The following MSR1 variants were observed in gnomAD, a reference collection of about 807,000 sequenced individuals.
The protein encoded by MSR1 is macrophage scavenger receptor 1.
A neutral mutation model predicts 47.2 loss-of-function variants in MSR1; 53 were observed. The observed-to-expected ratio is 1.12, with a 90% CI of 0.90 to 1.41. The LOEUF (loss-of-function observed/expected upper bound fraction) is 1.41, where lower values mean the gene tolerates loss of function less well. Ranked by LOEUF, MSR1 falls within the 40% of genes most tolerant of loss-of-function variation. The probability of loss-of-function intolerance (pLI) is 0.00; values close to 1 mark genes in which losing one functional copy is unlikely to be tolerated. For missense variants in MSR1, 786 were observed against 546.9 expected (o/e 1.44, Z -4.36); for synonymous variants, 239 against 185.6 (o/e 1.29, Z -2.34).
At chr8:16,173,457 A>T (rs1801547330) in intron 3 of MSR1, among the ~76,000 whole-genome samples, 1 of 152,248 alleles carries the variant, frequency 6.6e-6, no homozygotes, top group Non-Finnish European at 1.5e-5. Context: ...GCATAGACAT[A>T]AACAAACATA....
chr8:16,167,617 A>T (rs1801351735), intron 4 of MSR1, among the ~76,000 whole-genome samples: 1 of 152,126 alleles, frequency 6.6e-6, no homozygotes, highest in Middle Eastern at 3.2e-3. Context: ...TGCCAGAATC[A>T]AATGTATCCT....
chr8:16,156,505 C>T (rs556317846), intron 5 of MSR1, among the ~76,000 whole-genome samples: 1 of 151,974 alleles, frequency 6.6e-6, no homozygotes, highest in East Asian at 1.9e-4. Context: ...CCCAAGATAT[C>T]ATTATTACTC....
intron 2 of MSR1, among the ~76,000 whole-genome samples, chr8:16,176,665 T>C (rs1801657865): frequency 6.6e-6 from 1 of 152,208 alleles, no homozygotes; most frequent in Non-Finnish European, 1.5e-5. Context: ...ATCTCTAATT[T>C]ATCATCACAA....
intron 3 of MSR1, 113 bp from the exon 4 acceptor site, chr8:16,168,983 TGAATGCTAGGCTAAATC>T (rs1240882022): frequency 2.0e-5 from 22 of 1,083,154 alleles, no homozygotes; most frequent in African/African-American, 3.1e-5. Context: ...TCCAACATTT[TGAATGCTAGGCTAAATC>T]GAGTATTTTT....
chr8:16,143,717 C>A, intron 7 of MSR1, 106 bp from the exon 8 acceptor site: 3 of 780,960 alleles, frequency 3.8e-6, no homozygotes, highest in Non-Finnish European at 6.5e-6. Flanking sequence ...ATAGAATGGA[C>A]AGATATTGAA....
chr8:16,170,348 A>T (rs903445025), intron 3 of MSR1, among the ~76,000 whole-genome samples: 1 of 19,234 alleles, frequency 5.2e-5, no homozygotes. Context: ...ATTCCATCTC[A>T]AAAAAAAAAA....
intron 9 of MSR1, among the ~76,000 whole-genome samples, chr8:16,113,878 T>G (rs1004227867): frequency 2.0e-5 from 3 of 151,498 alleles, no homozygotes; most frequent in African/African-American, 4.8e-5. Context: ...ATCTTGACCC[T>G]TCTTCCCACT....
chr8:16,154,554 A>T (rs140497802), intron 6 of MSR1, among the ~76,000 whole-genome samples: 4 of 152,102 alleles, frequency 2.6e-5, no homozygotes, highest in African/African-American at 9.6e-5. Flanking sequence ...TCATTAGTTT[A>T]AACAGATATA....
At chr8:16,143,179 C>G (rs1221817913) in intron 8 of MSR1, among the ~76,000 whole-genome samples, 1 of 152,098 alleles carries the variant, frequency 6.6e-6, no homozygotes, top group Non-Finnish European at 1.5e-5. Context: ...GGTTCTTAAA[C>G]TGTCCAAATT....
At chr8:16,157,209 G>A (rs1801036843) in intron 5 of MSR1, among the ~76,000 whole-genome samples, 1 of 151,952 alleles carries the variant, frequency 6.6e-6, no homozygotes, top group African/African-American at 2.4e-5. Context: ...TAGACTCTTA[G>A]CCTCTGAGAT....
intron 1 of MSR1, among the ~76,000 whole-genome samples, chr8:16,183,593 ATATAT>A (rs1223247522): frequency 1.4e-4 from 19 of 140,534 alleles, no homozygotes; most frequent in Non-Finnish European, 2.6e-4. Flanking sequence ...ATATTACATA[ATATAT>A]TATATAATAG....
At chr8:16,177,344 G>A (rs368773) in intron 2 of MSR1, among the ~76,000 whole-genome samples, 32,174 of 151,810 alleles carry the variant, frequency 0.21, 4,529 homozygotes, top group East Asian at 0.59. Flanking sequence ...AAGACCATAC[G>A]AAGAAGGCGG....
chr8:16,184,611 A>C (rs1801940028), intron 1 of MSR1, among the ~76,000 whole-genome samples: 1 of 152,192 alleles, frequency 6.6e-6, no homozygotes, highest in Non-Finnish European at 1.5e-5. Context: ...CAACCTACCC[A>C]AAATATAACA....
intron 1 of MSR1, among the ~76,000 whole-genome samples, chr8:16,189,411 ATATT>A (rs1156956098): frequency 1.1e-5 from 1 of 93,576 alleles, no homozygotes; most frequent in African/African-American, 5.8e-5. Flanking sequence ...TATTTTATAT[ATATT>A]TTATATATAT....
intron 5 of MSR1, among the ~76,000 whole-genome samples, chr8:16,163,809 G>C (rs1489163994): frequency 2.0e-5 from 3 of 151,782 alleles, no homozygotes; most frequent in Admixed American, 1.3e-4. Flanking sequence ...TTATGAGGTA[G>C]TTTTTAACAA....
chr8:16,180,314 T>C (rs904592646), intron 1 of MSR1, among the ~76,000 whole-genome samples: 3 of 152,156 alleles, frequency 2.0e-5, no homozygotes, highest in African/African-American at 7.2e-5. Flanking sequence ...CCTGTGTCTC[T>C]TTAACATGTA....
chr8:16,162,679 A>T (rs1255342555), intron 5 of MSR1, among the ~76,000 whole-genome samples: 1 of 152,030 alleles, frequency 6.6e-6, no homozygotes, highest in Non-Finnish European at 1.5e-5. Context: ...GATTTTATAG[A>T]ATAGTGTTTA....
chr8:16,123,348 G>C (rs1250576145), intron 8 of MSR1, among the ~76,000 whole-genome samples: 4 of 152,212 alleles, frequency 2.6e-5, no homozygotes, highest in African/African-American at 9.6e-5. Flanking sequence ...CTATTCAACT[G>C]CTCTGTTTTG....
chr8:16,166,154 C>G (rs1398801989), intron 4 of MSR1, among the ~76,000 whole-genome samples: 2 of 136,494 alleles, frequency 1.5e-5, no homozygotes, highest in African/African-American at 5.4e-5. Context: ...GCTGAGGCTA[C>G]TTTTTCTTTC....
Sources: allele counts gnomAD v4.1 joint callset (sites outside exome capture counted in the v4.1 genomes callset), GRCh38; gene constraint gnomAD v4.1.1; transcripts MANE v1.5; gene names NCBI Gene and HGNC (gene_info 2026-07-23, HGNC 2026-07-21).